NCAM1: variants seen among roughly 807,000 people sequenced by gnomAD.
NCAM1 encodes the protein antigen recognized by monoclonal antibody 5.1H11.
Under a neutral mutation model 109.8 loss-of-function variants are expected in NCAM1, and 14 were observed. The observed-to-expected ratio is 0.13, with a 90% CI of 0.08 to 0.20. The LOEUF is 0.20. Ranked by LOEUF, NCAM1 falls within the 10% of genes least tolerant of loss-of-function variation. The pLI, the probability that NCAM1 is intolerant of heterozygous loss-of-function variation, is 1.00. For missense variants in NCAM1, 774 were observed against 1,109.9 expected (o/e 0.70, Z 4.30); for synonymous variants, 418 against 442.9 (o/e 0.94, Z 0.70).
chr11:113,068,101 CG>C (rs1206985318), intron 1 of NCAM1, among the ~76,000 whole-genome samples: 6 of 151,926 alleles, frequency 3.9e-5, no homozygotes, highest in African/African-American at 1.4e-4. Flanking sequence ...TCAGTAGAGA[CG>C]GGGTTTCACC....
intron 1 of NCAM1, among the ~76,000 whole-genome samples, chr11:113,197,779 T>C (rs1415843664): frequency 1.3e-5 from 2 of 152,226 alleles, no homozygotes; most frequent in Admixed American, 6.5e-5. Context: ...AAAATAAAAC[T>C]ACTGCAAGAA....
chr11:113,068,853 T>C (rs1386378968), intron 1 of NCAM1, among the ~76,000 whole-genome samples: 1 of 152,140 alleles, frequency 6.6e-6, no homozygotes, highest in Non-Finnish European at 1.5e-5. Context: ...ACCCCTTAAA[T>C]GAGCATAATA....
At chr11:113,263,526 G>A in intron 17 of NCAM1, 1 of 985,752 alleles carries the variant, frequency 1.0e-6, no homozygotes, top group Non-Finnish European at 1.2e-6. Context: ...AGTTGAATTT[G>A]TTGGATATTT....
intron 16 of NCAM1, among the ~76,000 whole-genome samples, chr11:113,259,713 T>C (rs1945931932): frequency 6.7e-6 from 1 of 149,846 alleles, no homozygotes; most frequent in Non-Finnish European, 1.5e-5. Context: ...TTTTTTTTTT[T>C]TTTTTTTGGA....
chr11:113,152,479 C>T (rs191266941), intron 1 of NCAM1, among the ~76,000 whole-genome samples: 2 of 152,240 alleles, frequency 1.3e-5, no homozygotes, highest in African/African-American at 2.4e-5. Flanking sequence ...TTTAAAAATG[C>T]GTATTTCCAA....
chr11:113,264,213 T>A, intron 17 of NCAM1: 1 of 985,230 alleles, frequency 1.0e-6, no homozygotes, highest in African/African-American at 1.7e-5. Context: ...AAGCTTGATT[T>A]TTGTTCTTTT....
intron 11 of NCAM1, 110 bp from the exon 12 acceptor site, chr11:113,232,608 T>C (rs781822662): frequency 1.5e-5 from 14 of 954,732 alleles, no homozygotes; most frequent in East Asian, 2.5e-5. Flanking sequence ...GAGCTAATGA[T>C]TTATACTTTA....
At chr11:113,082,874 T>C (rs782129381) in intron 1 of NCAM1, among the ~76,000 whole-genome samples, 2 of 152,200 alleles carry the variant, frequency 1.3e-5, no homozygotes, top group South Asian at 2.1e-4. Context: ...AGGTGCCTCT[T>C]GCGTCATCAA....
intron 14 of NCAM1, chr11:113,235,428 G>C: frequency 2.7e-6 from 2 of 728,052 alleles, no homozygotes; most frequent in African/African-American, 3.5e-5. Context: ...GAAGGGGAAG[G>C]CACCAACACA....
chr11:113,262,736 G>T, intron 17 of NCAM1: 6 of 1,193,652 alleles, frequency 5.0e-6, no homozygotes, highest in South Asian at 3.3e-5. Flanking sequence ...TCCCCTTCCT[G>T]TGTCTGTCGT....
At chr11:113,254,745 C>T (rs1945791954) in intron 15 of NCAM1, among the ~76,000 whole-genome samples, 1 of 152,156 alleles carries the variant, frequency 6.6e-6, no homozygotes, top group African/African-American at 2.4e-5. Context: ...AGAGAGCAAG[C>T]CAGAGTGACC....
chr11:113,188,722 G>A (rs1184109502), intron 1 of NCAM1, among the ~76,000 whole-genome samples: 1 of 152,108 alleles, frequency 6.6e-6, no homozygotes, highest in Non-Finnish European at 1.5e-5. Context: ...AGTTTTGCCT[G>A]GTCACTGTGA....
At chr11:113,029,405 T>C (rs530760517) in intron 1 of NCAM1, among the ~76,000 whole-genome samples, 276 of 152,288 alleles carry the variant, frequency 1.8e-3, no homozygotes, top group South Asian at 8.3e-3. Context: ...CCCTTCTCAG[T>C]TGATTTGCAT....
intron 11 of NCAM1, 82 bp downstream of exon 11, chr11:113,232,436 T>C: frequency 3.0e-6 from 4 of 1,353,038 alleles, no homozygotes; most frequent in Non-Finnish European, 4.1e-6. Flanking sequence ...TCAAGTCCTC[T>C]CTCCTGCTTC....
intron 8 of NCAM1, among the ~76,000 whole-genome samples, chr11:113,217,730 C>T (rs1944571053): frequency 6.6e-6 from 1 of 152,138 alleles, no homozygotes; most frequent in East Asian, 1.9e-4. Context: ...GATTGGTTAA[C>T]CGATATTGCA....
intron 1 of NCAM1, among the ~76,000 whole-genome samples, chr11:113,154,275 C>T (rs1255537684): frequency 1.3e-5 from 2 of 152,020 alleles, no homozygotes; most frequent in African/African-American, 4.8e-5. Flanking sequence ...AAAAGTTTGG[C>T]AGTTAAGAGA....
intron 1 of NCAM1, among the ~76,000 whole-genome samples, chr11:113,192,833 A>G (rs1458139303): frequency 6.6e-6 from 1 of 152,206 alleles, no homozygotes; most frequent in Non-Finnish European, 1.5e-5. Context: ...GATAAGCGTC[A>G]GGTCCTTTCC....
At chr11:113,183,441 C>T (rs1313697056) in intron 1 of NCAM1, among the ~76,000 whole-genome samples, 1 of 152,200 alleles carries the variant, frequency 6.6e-6, no homozygotes, top group Non-Finnish European at 1.5e-5. Context: ...TTAGGAAATA[C>T]ACGCAAATGA....
chr11:113,180,884 A>G (rs1298571191), intron 1 of NCAM1, among the ~76,000 whole-genome samples: 1 of 152,236 alleles, frequency 6.6e-6, no homozygotes, highest in Non-Finnish European at 1.5e-5. Context: ...TCAGTCAATG[A>G]GTATGCAGAG....
Sources: gnomAD v4.1 joint callset for allele counts (sites outside exome capture counted in the v4.1 genomes callset) on GRCh38, gnomAD v4.1.1 for gene constraint, MANE v1.5 for transcripts, NCBI Gene and HGNC (gene_info 2026-07-23, HGNC 2026-07-21) for gene names.